The following TSHZ2 variants were observed in gnomAD, a reference collection of about 807,000 sequenced individuals.
The protein encoded by TSHZ2 is teashirt homolog 2.
In TSHZ2, 21 loss-of-function variants were observed where a neutral mutation model predicts 74.4. The ratio of observed to expected loss-of-function variants is 0.28; its 90% confidence interval spans 0.20 to 0.41. The LOEUF (loss-of-function observed/expected upper bound fraction) is 0.41. TSHZ2 is among the 10% of genes least tolerant of loss of function. The pLI is 1.00. For missense variants in TSHZ2, 1,244 were observed against 1,293.5 expected, an observed-to-expected ratio of 0.96 and a Z score of 0.59; for synonymous variants, 540 against 515.3, an observed-to-expected ratio of 1.05 and a Z score of -0.65.
intron 1 of TSHZ2, among the ~76,000 whole-genome samples, chr20:53,247,765 G>C (rs573974386): frequency 6.6e-6 from 1 of 152,276 alleles, no homozygotes; most frequent in South Asian, 2.1e-4. Context: ...GTCACCATCG[G>C]ATATGTTTTT....
chr20:53,156,107 C>G (rs113165268), intron 1 of TSHZ2, among the ~76,000 whole-genome samples: 7 of 152,178 alleles, frequency 4.6e-5, no homozygotes, highest in African/African-American at 1.7e-4. Context: ...CCTCACCATT[C>G]TCTGTTGTCT....
At chr20:53,153,349 G>T (rs938885293) in intron 1 of TSHZ2, among the ~76,000 whole-genome samples, 4 of 152,112 alleles carry the variant, frequency 2.6e-5, no homozygotes, top group Non-Finnish European at 5.9e-5. Context: ...CTGTCACCAG[G>T]TATTACTTCA....
At chr20:53,143,418 G>T in intron 1 of TSHZ2, among the ~76,000 whole-genome samples, 1 of 152,198 alleles carries the variant, frequency 6.6e-6, no homozygotes, top group East Asian at 1.9e-4. Flanking sequence ...AATAGGCCGG[G>T]CGCGGTGGCT....
At chr20:53,217,013 G>A (rs560616494) in intron 1 of TSHZ2, among the ~76,000 whole-genome samples, 1 of 152,146 alleles carries the variant, frequency 6.6e-6, no homozygotes. Flanking sequence ...GAGCGGGCCC[G>A]TTTGTTATTT....
Position 52,972,462 on chromosome 20 carries a change from G to C in TSHZ2, c.-832G>C, listed in dbSNP as rs1186919706. The C allele has an allele frequency of 1.9e-5, 3 of 154,616 alleles. No individual in the cohort carries two copies. Among genetic ancestry groups the C allele is most frequent in the African/African-American group, 7.3e-5 (3 of 41,158 alleles). The allele number at this position is 154,616 out of a possible 1,614,324, so 9.6% of individuals were successfully genotyped here. ...TTGTGTGTGTGTGCATATGTGGGGG[G>C]TGTGAGTGTGTGTGTGCGAGGAAGC... On this transcript the variant is annotated 5_prime_UTR_variant, in exon 1 of 3. Transcript: ENST00000371497.
At chr20:53,079,341 G>T (rs892008495) in intron 1 of TSHZ2, among the ~76,000 whole-genome samples, 3 of 152,150 alleles carry the variant, frequency 2.0e-5, no homozygotes, top group Admixed American at 6.5e-5. Flanking sequence ...AATGAGAGAT[G>T]AGAAATAGAG....
chr20:53,217,235 C>A (rs1403396192), intron 1 of TSHZ2, among the ~76,000 whole-genome samples: 1 of 152,146 alleles, frequency 6.6e-6, no homozygotes, highest in East Asian at 1.9e-4. Context: ...TGCGCTTGGC[C>A]GATGCCAGCA....
chr20:53,073,072 C>CA (rs1985237843), intron 1 of TSHZ2, among the ~76,000 whole-genome samples: 2 of 122,910 alleles, frequency 1.6e-5, no homozygotes, highest in South Asian at 2.9e-4. Flanking sequence ...ATCCATCCCT[C>CA]CATTCCTTTA....
chr20:52,973,965 G>A (rs1475107555), intron 1 of TSHZ2, among the ~76,000 whole-genome samples: 11 of 152,120 alleles, frequency 7.2e-5, no homozygotes, highest in Non-Finnish European at 1.0e-4. Flanking sequence ...TTGTAGGGGG[G>A]AAATTCCCCA....
chr20:53,203,005 A>G (rs1431603626), intron 1 of TSHZ2, among the ~76,000 whole-genome samples: 2 of 152,134 alleles, frequency 1.3e-5, no homozygotes, highest in Non-Finnish European at 2.9e-5. Context: ...AAGGGACACA[A>G]TATGAGCTGT....
rs200851182 is a variant in TSHZ2 at position 53,246,062 on chromosome 20, CAG to C, written c.41-7434_41-7433del. Among the ~76,000 whole-genome samples, 767 of 112,516 alleles carry C rather than the reference CAG, an allele frequency of 6.8e-3. 17 individuals are homozygous for C. The East Asian group carries it at 0.071, about 10-fold the overall frequency. 73.8% of individuals were successfully genotyped at this position (112,516 alleles called of 152,430 possible). A position where few individuals can be genotyped will look rare whatever the true frequency, so the allele number is the denominator to read the frequency against. On this transcript the variant is annotated intron_variant, in intron 1 of 2. Coordinates refer to ENST00000371497, the MANE Select transcript of TSHZ2 (RefSeq NM_173485.6). ...TTTCTTTTTTTTTTTTTGTTTGAGACAGAGTCTTGCTATCTTGGACAGGCTGG... is the reference window on the plus strand; with the variant it reads ...TTTCTTTTTTTTTTTTTGTTTGAGACAGTCTTGCTATCTTGGACAGGCTGG...
intron 1 of TSHZ2, among the ~76,000 whole-genome samples, chr20:53,066,711 T>C (rs1314363396): frequency 2.0e-5 from 3 of 152,220 alleles, no homozygotes; most frequent in Non-Finnish European, 2.9e-5. Flanking sequence ...TTTCACCATG[T>C]TGGCCAGGAT....
intron 1 of TSHZ2, among the ~76,000 whole-genome samples, chr20:53,081,232 A>G (rs985369734): frequency 2.6e-5 from 4 of 152,030 alleles, no homozygotes; most frequent in Non-Finnish European, 4.4e-5. Context: ...AGGTCTCGCT[A>G]TGTTACCCAG....
chr20:53,310,472 A>G (rs1425776713), intron 2 of TSHZ2, among the ~76,000 whole-genome samples: 1 of 152,254 alleles, frequency 6.6e-6, no homozygotes, highest in African/African-American at 2.4e-5. Context: ...GTTTCTGTGC[A>G]TAAGGAGTCC....
At chr20:53,486,387 A>G (rs928250682) in intron 2 of TSHZ2, among the ~76,000 whole-genome samples, 1 of 152,124 alleles carries the variant, frequency 6.6e-6, no homozygotes, top group Non-Finnish European at 1.5e-5. Context: ...ACATTATATT[A>G]AAAATATTTT....
intron 2 of TSHZ2, among the ~76,000 whole-genome samples, chr20:53,425,670 G>C (rs1364918601): frequency 2.6e-5 from 4 of 152,138 alleles, no homozygotes; most frequent in African/African-American, 9.7e-5. Context: ...CAACTATTGA[G>C]CTCTGCCATT....
At chr20:53,368,976 T>G (rs1031326156) in intron 2 of TSHZ2, among the ~76,000 whole-genome samples, 1 of 152,178 alleles carries the variant, frequency 6.6e-6, no homozygotes, top group African/African-American at 2.4e-5. Context: ...AAGGATTCAG[T>G]AGAGGCCTAG....
chr20:53,280,253 T>G (rs1000580196), intron 2 of TSHZ2, among the ~76,000 whole-genome samples: 5 of 152,286 alleles, frequency 3.3e-5, no homozygotes, highest in African/African-American at 1.2e-4. Flanking sequence ...AATGCATCAA[T>G]TAAAACCATT....
At chr20:53,320,707 AAAAAT>A (rs1037787381) in intron 2 of TSHZ2, among the ~76,000 whole-genome samples, 1 of 152,228 alleles carries the variant, frequency 6.6e-6, no homozygotes, top group African/African-American at 2.4e-5. Flanking sequence ...ACTCAACAGA[AAAAAT>A]AAAAAAGAAT....
Sources: allele counts gnomAD v4.1 joint callset (sites outside exome capture counted in the v4.1 genomes callset), GRCh38; gene constraint gnomAD v4.1.1; transcripts MANE v1.5; gene names NCBI Gene and HGNC (gene_info 2026-07-23, HGNC 2026-07-21).